The following CCDC73 variants were observed in gnomAD, a reference collection of about 807,000 sequenced individuals.
The protein encoded by CCDC73 is coiled-coil domain containing 73.
A neutral mutation model predicts 116.5 loss-of-function variants in CCDC73; 95 were observed. That is an observed-to-expected ratio of 0.82 (90% CI 0.69 to 0.97). The LOEUF (loss-of-function observed/expected upper bound fraction) is 0.97. Among genes scored for constraint, CCDC73 ranks in the 50% least tolerant of loss-of-function variants. CCDC73 has a pLI of 0.00. For missense variants in CCDC73, 1,066 were observed against 1,206.8 expected (o/e 0.88, Z 1.73); for synonymous variants, 398 against 401.3 (o/e 0.99, Z 0.10).
chr11:32,740,405 T>C (rs1341857821), intron 2 of CCDC73, among the ~76,000 whole-genome samples: 5 of 152,106 alleles, frequency 3.3e-5, no homozygotes, highest in Non-Finnish European at 5.9e-5. Context: ...TTGGATTTCT[T>C]CATAGTTTAA....
intron 8 of CCDC73, 119 bp from the exon 9 acceptor site, chr11:32,675,763 AAC>A (rs1211205014): frequency 3.8e-5 from 45 of 1,172,586 alleles, no homozygotes; most frequent in Non-Finnish European, 4.8e-5. Flanking sequence ...TAATTTAGGT[AAC>A]AGTTATTAAC....
chr11:32,664,547 T>G (rs1855962307), intron 9 of CCDC73, among the ~76,000 whole-genome samples: 2 of 152,322 alleles, frequency 1.3e-5, no homozygotes, highest in East Asian at 3.9e-4. Flanking sequence ...CCTTTTTTAT[T>G]GTGTCTATTT....
intron 1 of CCDC73, among the ~76,000 whole-genome samples, chr11:32,774,230 A>G (rs1426570432): frequency 1.4e-5 from 2 of 147,272 alleles, no homozygotes; most frequent in Admixed American, 7.0e-5. Context: ...TATATTTTCA[A>G]CAAGTCTCCC....
chr11:32,708,471 T>C (rs776272865), intron 3 of CCDC73, among the ~76,000 whole-genome samples: 23 of 152,212 alleles, frequency 1.5e-4, no homozygotes, highest in Middle Eastern at 3.2e-3. Flanking sequence ...GGAAATTGCA[T>C]TGAATTTGTG....
chr11:32,732,504 AG>A (rs1850088087), intron 2 of CCDC73, among the ~76,000 whole-genome samples: 1 of 152,236 alleles, frequency 6.6e-6, no homozygotes, highest in African/African-American at 2.4e-5. Context: ...AAAAATGTTA[AG>A]GGCAGCCAGA....
At chr11:32,623,495 T>C (rs1044944472) in intron 14 of CCDC73, among the ~76,000 whole-genome samples, 4 of 152,180 alleles carry the variant, frequency 2.6e-5, no homozygotes, top group African/African-American at 4.8e-5. Context: ...GGACCACCAG[T>C]GTGCACCGCC....
the CCDC73 span, chr11:32,830,491 T>A: frequency 1.8e-5 from 27 of 1,461,106 alleles, no homozygotes; most frequent in Middle Eastern, 2.1e-4. Context: ...TTTAATATTT[T>A]TTTTTGTTTG....
chr11:32,656,339 A>C (rs1002596748), intron 9 of CCDC73, among the ~76,000 whole-genome samples: 1 of 151,852 alleles, frequency 6.6e-6, no homozygotes, highest in African/African-American at 2.4e-5. Flanking sequence ...TCGGCCTCCC[A>C]AAGTGCTGGG....
At chr11:32,656,330 C>T (rs530901440) in intron 9 of CCDC73, among the ~76,000 whole-genome samples, 5 of 152,180 alleles carry the variant, frequency 3.3e-5, no homozygotes, top group South Asian at 2.1e-4. Flanking sequence ...CCGCCCGCCT[C>T]GGCCTCCCAA....
the CCDC73 span, among the ~76,000 whole-genome samples, chr11:32,820,448 A>G: frequency 6.6e-6 from 1 of 152,274 alleles, no homozygotes; most frequent in East Asian, 1.9e-4. Flanking sequence ...GAGCCACCAC[A>G]CTCATCCTTA....
intron 12 of CCDC73, among the ~76,000 whole-genome samples, chr11:32,646,940 G>A (rs896994485): frequency 2.0e-5 from 3 of 151,860 alleles, no homozygotes; most frequent in South Asian, 2.1e-4. Context: ...TTATCTAAAG[G>A]GCTCTCGTTT....
intron 6 of CCDC73, among the ~76,000 whole-genome samples, chr11:32,693,410 A>C (rs1205763196): frequency 1.3e-5 from 2 of 152,210 alleles, no homozygotes; most frequent in African/African-American, 4.8e-5. Flanking sequence ...TGTTCAGCAG[A>C]CCATGAGGTA....
chr11:32,806,924 C>T, the CCDC73 span, among the ~76,000 whole-genome samples: 1 of 152,084 alleles, frequency 6.6e-6, no homozygotes, highest in Non-Finnish European at 1.5e-5. Context: ...TGAAGGAAGA[C>T]GAATGCAGAA....
chr11:32,781,284 A>C (rs1850581533), intron 1 of CCDC73, among the ~76,000 whole-genome samples: 1 of 152,250 alleles, frequency 6.6e-6, no homozygotes, highest in Admixed American at 6.5e-5. Flanking sequence ...CACTAAAATG[A>C]CAGTGGTGAT....
chr11:32,638,448 T>C (rs1386269745), intron 13 of CCDC73, among the ~76,000 whole-genome samples: 3 of 152,172 alleles, frequency 2.0e-5, no homozygotes, highest in Non-Finnish European at 2.9e-5. Flanking sequence ...GAAAATGGAC[T>C]TTCATGCCTC....
At chr11:32,828,581 G>A in the CCDC73 span, among the ~76,000 whole-genome samples, 3 of 151,640 alleles carry the variant, frequency 2.0e-5, no homozygotes, top group African/African-American at 4.8e-5. Context: ...AGACCACTTC[G>A]ACCAAAGCAT....
At chr11:32,693,364 C>T (rs1168726723) in intron 6 of CCDC73, among the ~76,000 whole-genome samples, 1 of 152,146 alleles carries the variant, frequency 6.6e-6, no homozygotes, top group African/African-American at 2.4e-5. Context: ...GGAGAAATCA[C>T]AAGTATCTTC....
intron 1 of CCDC73, among the ~76,000 whole-genome samples, chr11:32,766,001 CA>C (rs1406066610): frequency 6.6e-6 from 1 of 151,932 alleles, no homozygotes; most frequent in African/African-American, 2.4e-5. Context: ...AGAGACACAA[CA>C]AAAAAAGAGA....
At chr11:32,653,827 A>G in intron 11 of CCDC73, 151 bp downstream of exon 11, 1 of 835,312 alleles carries the variant, frequency 1.2e-6, no homozygotes, top group Non-Finnish European at 1.7e-6. Context: ...ATGAAAGTAT[A>G]TTGAGACTGA....
Sources: gnomAD v4.1 joint callset for allele counts (sites outside exome capture counted in the v4.1 genomes callset) on GRCh38, gnomAD v4.1.1 for gene constraint, MANE v1.5 for transcripts, NCBI Gene and HGNC (gene_info 2026-07-23, HGNC 2026-07-21) for gene names.